The following EYA1 variants were observed in gnomAD, a reference collection of about 807,000 sequenced individuals.
EYA1 encodes protein phosphatase EYA1.
Under a neutral mutation model 82.0 loss-of-function variants are expected in EYA1, and 16 were observed. That is an observed-to-expected ratio of 0.20 (90% CI 0.13 to 0.30). The LOEUF (loss-of-function observed/expected upper bound fraction) is 0.30. EYA1 is among the 10% of genes least tolerant of loss of function. EYA1 has a pLI of 1.00. For missense variants in EYA1, 633 were observed against 730.7 expected (o/e 0.87, Z 1.54); for synonymous variants, 261 against 264.4 (o/e 0.99, Z 0.12).
intron 2 of EYA1, among the ~76,000 whole-genome samples, chr8:71,436,260 A>T (rs1806000723): frequency 6.6e-6 from 1 of 152,154 alleles, no homozygotes; most frequent in South Asian, 2.1e-4. Flanking sequence ...TGCAAGATTC[A>T]CTTTCCATTT....
intron 1 of EYA1, among the ~76,000 whole-genome samples, chr8:71,542,339 T>C (rs1474613046): frequency 6.6e-6 from 1 of 152,192 alleles, no homozygotes; most frequent in East Asian, 1.9e-4. Flanking sequence ...TGTTTCTGCC[T>C]TAGTTTGCTA....
intron 12 of EYA1, among the ~76,000 whole-genome samples, chr8:71,222,436 T>G (rs1388963294): frequency 6.6e-6 from 1 of 152,156 alleles, no homozygotes; most frequent in East Asian, 1.9e-4. Context: ...CAGTCAGAGG[T>G]TGGTCTCTCT....
intron 2 of EYA1, among the ~76,000 whole-genome samples, chr8:71,480,427 G>A (rs1045704673): frequency 6.6e-6 from 1 of 152,138 alleles, no homozygotes; most frequent in Non-Finnish European, 1.5e-5. Flanking sequence ...AGCAGATGCT[G>A]TTTTCTATCC....
At chr8:71,469,355 T>A (rs889017144) in intron 2 of EYA1, among the ~76,000 whole-genome samples, 1 of 152,058 alleles carries the variant, frequency 6.6e-6, no homozygotes, top group Non-Finnish European at 1.5e-5. Context: ...TACCTAACTA[T>A]GTGATTTGGA....
intron 2 of EYA1, among the ~76,000 whole-genome samples, chr8:71,425,729 T>C (rs973957839): frequency 7.2e-5 from 11 of 152,202 alleles, no homozygotes; most frequent in African/African-American, 2.4e-4. Context: ...TTTGTTTGCT[T>C]TGGCATCACT....
chr8:71,273,069 G>A (rs985819333), intron 9 of EYA1, among the ~76,000 whole-genome samples: 7 of 152,214 alleles, frequency 4.6e-5, no homozygotes, highest in African/African-American at 9.6e-5. Context: ...AAAGCCTTGA[G>A]TCAGAGTAGA....
At chr8:71,543,170 G>T (rs938216525) in intron 1 of EYA1, among the ~76,000 whole-genome samples, 9 of 151,962 alleles carry the variant, frequency 5.9e-5, no homozygotes, top group African/African-American at 2.2e-4. Context: ...TTATAGTTTT[G>T]GGTTTTACAT....
Position 71,215,420 on chromosome 8 carries a change from G to A in EYA1, c.1564C>T (p.Pro522Ser), listed in dbSNP as rs1216806432. The A allele has an allele frequency of 3.1e-6, 5 of 1,612,348 alleles. No homozygotes were observed. The African/African-American group carries it at 6.7e-5, about 22-fold the overall frequency. The change falls in exon 16 of 18, where the codon CCA becomes TCA. Residue 522 changes from proline (P) to serine (S), a missense_variant. Physicochemically the swap from Pro to Ser is moderately conservative, Grantham distance 74 (BLOSUM62 -1). Coordinates refer to ENST00000340726, the MANE Select transcript of EYA1 (RefSeq NM_000503.6). ...GTTGCACTGTAAATATTTTCTATTGGAAATACAATTCCTAACCCATACAGC... is the reference window on the plus strand; with the variant it reads ...GTTGCACTGTAAATATTTTCTATTGAAAATACAATTCCTAACCCATACAGC... ...VLLYGLGIVFPIENIYSATKI... is the reference protein window; with the variant it reads ...VLLYGLGIVFSIENIYSATKI...
At chr8:71,511,529 G>A (rs1426093263) in intron 2 of EYA1, among the ~76,000 whole-genome samples, 1 of 152,186 alleles carries the variant, frequency 6.6e-6, no homozygotes, top group African/African-American at 2.4e-5. Flanking sequence ...ACTCCAGGAA[G>A]ATGACTGACG....
intron 2 of EYA1, chr8:71,403,512 C>A (rs1563577163): frequency 1.3e-5 from 2 of 152,076 alleles, no homozygotes; most frequent in Admixed American, 1.3e-4. Flanking sequence ...GACCAAAACT[C>A]GGACTTGAGA....
intron 2 of EYA1, among the ~76,000 whole-genome samples, chr8:71,401,215 C>G (rs574861573): frequency 7.9e-5 from 12 of 152,272 alleles, no homozygotes; most frequent in African/African-American, 2.9e-4. Context: ...TTGATAGATG[C>G]AGCAAACCAC....
intron 2 of EYA1, among the ~76,000 whole-genome samples, chr8:71,373,105 C>T (rs913546923): frequency 1.2e-4 from 19 of 152,094 alleles, no homozygotes; most frequent in African/African-American, 4.3e-4. Context: ...CATACCACCT[C>T]TGTTCAAAAT....
intron 2 of EYA1, among the ~76,000 whole-genome samples, chr8:71,457,607 T>C (rs1056450556): frequency 2.0e-5 from 3 of 152,196 alleles, no homozygotes; most frequent in African/African-American, 7.2e-5. Flanking sequence ...TCATGTCTTT[T>C]ATAGGGACAT....
chr8:71,487,950 A>G (rs1810695271), intron 2 of EYA1, among the ~76,000 whole-genome samples: 1 of 152,228 alleles, frequency 6.6e-6, no homozygotes, highest in African/African-American at 2.4e-5. Context: ...GCAGCAGTTC[A>G]ATTCCTGGAA....
chr8:71,354,289 T>C (rs917165724), intron 3 of EYA1, among the ~76,000 whole-genome samples: 1 of 152,186 alleles, frequency 6.6e-6, no homozygotes, highest in Non-Finnish European at 1.5e-5. Flanking sequence ...TATATTTTCA[T>C]AGCCAAAGCC....
At chr8:71,426,611 G>A (rs1038079970) in intron 2 of EYA1, among the ~76,000 whole-genome samples, 1 of 152,196 alleles carries the variant, frequency 6.6e-6, no homozygotes, top group African/African-American at 2.4e-5. Context: ...ATGTCTTCAT[G>A]GGGTTTCTGG....
intron 2 of EYA1, among the ~76,000 whole-genome samples, chr8:71,510,560 G>A (rs571860153): frequency 3.5e-4 from 54 of 152,300 alleles, no homozygotes; most frequent in African/African-American, 1.3e-3. Flanking sequence ...TGAGTGCCGA[G>A]CGAAGGAGAA....
intron 2 of EYA1, among the ~76,000 whole-genome samples, chr8:71,408,769 T>C (rs1417218012): frequency 7.1e-6 from 1 of 139,992 alleles, no homozygotes; most frequent in African/African-American, 2.8e-5. Flanking sequence ...CACACATTAA[T>C]AATGGGGGAC....
At chr8:71,262,721 T>C (rs1256229586) in intron 11 of EYA1, among the ~76,000 whole-genome samples, 1 of 152,150 alleles carries the variant, frequency 6.6e-6, no homozygotes, top group Non-Finnish European at 1.5e-5. Flanking sequence ...TGTATACTAC[T>C]GGTAGTGAGG....
Sources: gnomAD v4.1 joint callset for allele counts (sites outside exome capture counted in the v4.1 genomes callset) on GRCh38, gnomAD v4.1.1 for gene constraint, MANE v1.5 for transcripts, NCBI Gene and HGNC (gene_info 2026-07-23, HGNC 2026-07-21) for gene names.